KNG1: variants seen among roughly 807,000 people sequenced by gnomAD.
The protein encoded by KNG1 is kininogen-1.
Under a neutral mutation model 47.8 loss-of-function variants are expected in KNG1, and 23 were observed. The observed-to-expected ratio is 0.48, with a 90% CI of 0.35 to 0.68. The LOEUF (loss-of-function observed/expected upper bound fraction) is 0.68. Among genes scored for constraint, KNG1 ranks in the 30% least tolerant of loss-of-function variants. The pLI is 0.01. For synonymous variants in KNG1, 277 were observed against 277.0 expected (o/e 1.00, Z 0.00); for missense variants, 762 against 790.2 (o/e 0.96, Z 0.43).
intron 3 of KNG1, among the ~76,000 whole-genome samples, chr3:186,724,814 G>A (rs1057171731): frequency 6.6e-6 from 1 of 151,894 alleles, no homozygotes; most frequent in Non-Finnish European, 1.5e-5. Flanking sequence ...TCCTGCCTCA[G>A]CCTCAGCCCC....
In KNG1 at chr3:186,717,575, C is replaced by T. The variant is rs776824411; in HGVS notation, c.33C>T (p.Ser11=). 1.2e-6 allele frequency: 2 copies of T among 1,612,308 alleles called. No homozygotes were observed. The highest frequency in any genetic ancestry group is 4.5e-5 in the East Asian group (2 of 44,878). The change falls in exon 1 of 10, where the codon TCC becomes TCT. Residue 11 remains serine, a synonymous_variant. Transcript: ENST00000644859. The part of the protein sequence containing the change: MKLITILFLC[S]RLLLSLTQES... The stretch of plus-strand genomic sequence containing the variant: ...TAATTACCATCCTTTTCCTCTGCTC[C>T]AGGCTGCTACTAAGTTTAACCCAGG...
At chr3:186,724,201 G>A (rs1720285169) in intron 3 of KNG1, among the ~76,000 whole-genome samples, 1 of 152,112 alleles carries the variant, frequency 6.6e-6, no homozygotes, top group South Asian at 2.1e-4. Flanking sequence ...CTTACCAACA[G>A]TGCATTAGAG....
intron 7 of KNG1, among the ~76,000 whole-genome samples, chr3:186,732,919 G>A (rs1720575871): frequency 1.3e-5 from 2 of 152,212 alleles, no homozygotes; most frequent in East Asian, 1.9e-4. Context: ...GTTAATATAT[G>A]TCAAATCACT....
At chr3:186,733,035 C>T (rs1720578746) in intron 7 of KNG1, among the ~76,000 whole-genome samples, 1 of 152,060 alleles carries the variant, frequency 6.6e-6, no homozygotes, top group African/African-American at 2.4e-5. Flanking sequence ...ATCACAAGGT[C>T]AAGAGATCAA....
At chr3:186,732,977 G>A (rs1438228960) in intron 7 of KNG1, among the ~76,000 whole-genome samples, 1 of 152,168 alleles carries the variant, frequency 6.6e-6, no homozygotes, top group African/African-American at 2.4e-5. Context: ...GCTGGGCGCG[G>A]TGGCTCACAC....
chr3:186,720,139 A>G lies in KNG1; in HGVS notation c.230A>G (p.Glu77Gly). ...GSDTFYSFKY[E>G]IKEGDCPVQS... Reference sequence around the variant, plus strand: ...GACACGTTTTATTCCTTCAAGTACGAAATCAAGGAGGGGGATTGTCCTGTT... The same window carrying G: ...GACACGTTTTATTCCTTCAAGTACGGAATCAAGGAGGGGGATTGTCCTGTT... The change falls in exon 2 of 10, where the codon GAA becomes GGA. Residue 77 changes from glutamate to glycine, a missense_variant. By Grantham distance (98) the Glu-to-Gly change is moderately conservative. Transcript: ENST00000644859. The G allele has an allele frequency of 1.9e-6, 3 of 1,614,026 alleles. No homozygotes were observed. In the Middle Eastern group the frequency reaches 4.9e-4, roughly 266 times the overall value.
At position 186,742,130 on chromosome 3, in the gene KNG1, A is replaced by G. The variant is rs1720831139; in HGVS notation, c.1734A>G (p.Pro578=). The G allele has an allele frequency of 6.2e-7, 1 of 1,613,972 alleles. No individual in the cohort carries two copies. Among genetic ancestry groups the G allele is most frequent in the African/African-American group, 1.3e-5 (1 of 74,884 alleles). The change falls in exon 10 of 10, where the codon CCA becomes CCG. Residue 578 remains proline (P), a synonymous_variant. Coordinates refer to ENST00000644859, the MANE Select transcript of KNG1 (RefSeq NM_001102416.3). ...LIATMMPPIS[P]APIQSDDDWI... is the part of the protein sequence containing the mutation. The stretch of plus-strand genomic sequence containing the variant: ...CAACTATGATGCCTCCTATATCACC[A>G]GCTCCCATACAGAGTGATGACGATT...
intron 4 of KNG1, among the ~76,000 whole-genome samples, chr3:186,726,996 T>C (rs1280898181): frequency 6.7e-6 from 1 of 149,686 alleles, no homozygotes; most frequent in Non-Finnish European, 1.5e-5. Context: ...ATATTGCTTG[T>C]CATTTTCAGA....
rs780462607 is a variant in KNG1, at chr3:186,743,812, C to T, written c.*1481C>T. 3.3e-6 allele frequency: 5 copies of T among 1,531,300 alleles called. No homozygotes were observed. Among genetic ancestry groups the T allele is most frequent in the Non-Finnish European group, 4.5e-6 (5 of 1,104,838 alleles). 94.9% of individuals were successfully genotyped at this position (1,531,300 alleles called of 1,614,324 possible). ...CAATGGGCAGAATCTTCACTCCAGG[C>T]ACATAGCCCCAACCACCTCTGCCAG... On this transcript the variant is annotated 3_prime_UTR_variant, in exon 10 of 10. Transcript: ENST00000644859.
chr3:186,724,915 TAGTC>T (rs2108622572), intron 3 of KNG1, among the ~76,000 whole-genome samples, 169 bp from the exon 4 acceptor site: 1 of 152,258 alleles, frequency 6.6e-6, no homozygotes. Context: ...TTCACCATGT[TAGTC>T]AGGCTGGTCT....
At position 186,741,675 on chromosome 3, in the gene KNG1, C is replaced by G; in HGVS notation, c.1279C>G (p.Arg427Gly). ...TTCAGGAAAAGAACAAGGGCATACT[C>G]GTAGACATGACTGGGGCCATGAAAA... ...RDSGKEQGHT[R>G]RHDWGHEKQR... The change falls in exon 10 of 10, where the codon CGT becomes GGT. Residue 427 changes from arginine (R) to glycine (G), a missense_variant. Transcript: ENST00000644859. 1 of 1,614,178 alleles carries G rather than the reference C, an allele frequency of 6.2e-7. No individual in the cohort carries two copies. Among genetic ancestry groups the G allele is most frequent in the Non-Finnish European group, 8.5e-7 (1 of 1,180,034 alleles).
At chr3:186,729,303 C>T (rs1720449987) in intron 5 of KNG1, among the ~76,000 whole-genome samples, 1 of 152,116 alleles carries the variant, frequency 6.6e-6, no homozygotes, top group Non-Finnish European at 1.5e-5. Context: ...TACTATGTGA[C>T]CCAGAAGTTG....
At chr3:186,729,947 A>G (rs1376424369) in intron 5 of KNG1, among the ~76,000 whole-genome samples, 2 of 152,148 alleles carry the variant, frequency 1.3e-5, no homozygotes, top group Non-Finnish European at 2.9e-5. Context: ...GACTTATCAC[A>G]CAGCACCTGG....
Position 186,732,644 on chromosome 3 carries a change from G to A in KNG1, c.900G>A (p.Lys300=). 1 of 1,614,084 alleles carries A rather than the reference G, an allele frequency of 6.2e-7. No homozygotes were observed. ...NAENNATFYF[K]IDNVKKARVQ... ...AGAATAACGCAACTTTCTATTTCAA[G>A]ATTGACAATGTGAAAAAAGCAAGAG... Residue 300 remains lysine (K), a synonymous_variant, in exon 7 of 10, where the codon AAG becomes AAA. Coordinates refer to ENST00000644859, the MANE Select transcript of KNG1 (RefSeq NM_001102416.3).
chr3:186,729,982 TC>T (rs1395368577), intron 5 of KNG1, among the ~76,000 whole-genome samples: 2 of 152,188 alleles, frequency 1.3e-5, no homozygotes, highest in Non-Finnish European at 2.9e-5. Context: ...TATTCTTTTT[TC>T]CCCTCACTTC....
intron 1 of KNG1, among the ~76,000 whole-genome samples, chr3:186,719,468 C>T (rs1042039957): frequency 2.6e-5 from 4 of 152,092 alleles, no homozygotes; most frequent in African/African-American, 4.8e-5. Flanking sequence ...GGGCCGGGCG[C>T]GGTGGCTCAT....
intron 4 of KNG1, among the ~76,000 whole-genome samples, chr3:186,726,863 G>A (rs567360187): frequency 6.6e-6 from 1 of 152,194 alleles, no homozygotes; most frequent in East Asian, 1.9e-4. Context: ...CCGTCTAGAA[G>A]GGCATTATTA....
Position 186,727,118 on chromosome 3 carries a change from A to G in KNG1, c.565-119A>G, listed in dbSNP as rs1268438485. ...TTTTGCCTAGTAATAATAATATTTT[A>G]TATTTCTTGGGCACTTATTATATTG... On this transcript the variant is annotated intron_variant, in intron 4 of 9. Coordinates refer to ENST00000644859, the MANE Select transcript of KNG1 (RefSeq NM_001102416.3). 4.1e-6 allele frequency: 3 copies of G among 738,292 alleles called. No homozygotes were observed. The African/African-American group carries it at 5.3e-5, about 13-fold the overall frequency. The allele number at this position is 738,292 out of a possible 1,614,324, so 45.7% of individuals were successfully genotyped here. A position where few individuals can be genotyped will look rare whatever the true frequency, so the allele number is the denominator to read the frequency against.
In KNG1 at chr3:186,722,523, T is replaced by G; in HGVS notation, c.391+2T>G. The G allele has an allele frequency of 1.2e-6, 2 of 1,610,716 alleles. No individual in the cohort carries two copies. The highest frequency in any genetic ancestry group is 8.5e-7 in the Non-Finnish European group (1 of 1,177,314). On this transcript the variant is annotated splice_donor_variant, in intron 3 of 9. Transcript: ENST00000644859. LOFTEE classifies it high-confidence loss of function. ...CCCAGACCTGCCAGATTACTCCAGG[T>G]GGCTGGTTTATCCTCTGGCACTGCC...
Sources: gnomAD v4.1 joint callset for allele counts (sites outside exome capture counted in the v4.1 genomes callset) on GRCh38, gnomAD v4.1.1 for gene constraint, MANE v1.5 for transcripts, NCBI Gene and HGNC (gene_info 2026-07-23, HGNC 2026-07-21) for gene names.